Variants in ZNF568 observed in about 807,000 individuals in gnomAD.
The protein encoded by ZNF568 is zinc finger protein 568.
A neutral mutation model predicts 18.1 loss-of-function variants in ZNF568; 11 were observed. The observed-to-expected ratio is 0.61, with a 90% CI of 0.38 to 1.00. The LOEUF (loss-of-function observed/expected upper bound fraction) is 1.00. Among genes scored for constraint, ZNF568 ranks in the 50% least tolerant of loss-of-function variants. The pLI is 0.01. For synonymous variants in ZNF568, 213 were observed against 246.6 expected, an observed-to-expected ratio of 0.86 and a Z score of 1.28; for missense variants, 639 against 768.2, an observed-to-expected ratio of 0.83 and a Z score of 1.99.
exon 8 of ZNF568, chr19:36,979,088 A>C: frequency 3.6e-6 from 1 of 274,856 alleles, no homozygotes; most frequent in South Asian, 3.0e-5. Flanking sequence ...AGTTGAAGTG[A>C]TTCTCCTGCC....
chr19:36,923,230 T>G (rs1009509645), intron 3 of ZNF568, among the ~76,000 whole-genome samples: 2 of 152,206 alleles, frequency 1.3e-5, no homozygotes, highest in African/African-American at 4.8e-5. Context: ...GCTTCATTTC[T>G]CAGTTTTAGA....
intron 7 of ZNF568, chr19:36,976,314 A>G (rs1600847145): frequency 6.6e-6 from 1 of 152,024 alleles, no homozygotes; most frequent in East Asian, 1.9e-4. Context: ...TTATAGTTGG[A>G]CTTTCTTTAC....
At position 36,916,522 on chromosome 19, in the gene ZNF568, G is replaced by A. The variant is rs1244079662; in HGVS notation, c.-325G>A. The A allele has an allele frequency of 3.3e-5, 5 of 152,434 alleles. No individual in the cohort carries two copies. Among genetic ancestry groups the A allele is most frequent in the African/African-American group, 1.2e-4 (5 of 41,436 alleles). 9.4% of individuals were successfully genotyped at this position (152,434 alleles called of 1,614,324 possible). A position where few individuals can be genotyped will look rare whatever the true frequency, so the allele number is the denominator to read the frequency against. On this transcript the variant is annotated 5_prime_UTR_variant, in exon 1 of 7. Coordinates refer to ENST00000333987, the MANE Select transcript of ZNF568 (RefSeq NM_198539.4). The surrounding 1 kb of genome is among the most constrained non-coding windows in gnomAD (Gnocchi z 5.3). ...GCGAGCAAGGGACTCGCGGTTGACG[G>A]GACACGGATCCTCTAAGGCCCAGAG...
chr19:36,968,171 T>A (rs548077), intron 6 of ZNF568, among the ~76,000 whole-genome samples: 88,620 of 151,986 alleles, frequency 0.58, 26,888 homozygotes, highest in African/African-American at 0.74. Context: ...GAAAGTCCAC[T>A]TATAAAATGT....
At chr19:36,974,115 G>A (rs1196789460) in intron 6 of ZNF568, among the ~76,000 whole-genome samples, 1 of 152,124 alleles carries the variant, frequency 6.6e-6, no homozygotes, top group South Asian at 2.1e-4. Flanking sequence ...TGACAGGTGG[G>A]TCCATTTAAG....
At position 36,937,025 on chromosome 19, in the gene ZNF568, G is replaced by A. The variant is rs542152309; in HGVS notation, c.263-122G>A. 52 of 1,348,652 alleles carry A rather than the reference G, an allele frequency of 3.9e-5. No individual in the cohort carries two copies. The South Asian group carries it at 7.0e-4, about 18-fold the overall frequency. The allele number at this position is 1,348,652 out of a possible 1,614,324, so 83.5% of individuals were successfully genotyped here. On this transcript the variant is annotated intron_variant, in intron 5 of 6. Transcript: ENST00000333987. Reference sequence around the variant, plus strand: ...TTCAGTGTTAAAGGCTGATTACTTTGTGTCATTGTGTAAGTTCATTCATCC... The same window carrying A: ...TTCAGTGTTAAAGGCTGATTACTTTATGTCATTGTGTAAGTTCATTCATCC...
intron 6 of ZNF568, among the ~76,000 whole-genome samples, chr19:36,940,203 C>A (rs1461853306): frequency 3.3e-5 from 5 of 152,206 alleles, no homozygotes; most frequent in African/African-American, 1.2e-4. Flanking sequence ...GAAATGACAG[C>A]ATTGGAATAT....
chr19:36,976,254 C>T (rs1644652), intron 7 of ZNF568: 82,993 of 151,622 alleles, frequency 0.55, 23,369 homozygotes, highest in African/African-American at 0.66. Context: ...AGAGTGGGTT[C>T]ATACTACTAA....
At chr19:36,979,968 G>A (rs2074318052), downstream of ZNF568, 1 of 152,090 alleles carries the variant, frequency 6.6e-6, no homozygotes, top group Non-Finnish European at 1.5e-5. Flanking sequence ...GGTACTAAAT[G>A]AGGTTGAGCC....
rs555008189 is a variant in ZNF568, at chr19:36,946,916, G to A, written c.359-2596G>A. On this transcript the variant is annotated intron_variant, in intron 6 of 6. Transcript: ENST00000333987. ...CTACCTTGGCCTCCCAAAGTGCTGG[G>A]ATTACAGGCTTGAGCCACTGCACCC... Among the ~76,000 whole-genome samples, 27 of 152,096 alleles carry A rather than the reference G, an allele frequency of 1.8e-4. 1 individual carries two copies. Among genetic ancestry groups the A allele is most frequent in the Non-Finnish European group, 3.2e-4 (22 of 67,992 alleles).
At chr19:36,922,033 T>C (rs2073465324) in intron 2 of ZNF568, among the ~76,000 whole-genome samples, 1 of 152,226 alleles carries the variant, frequency 6.6e-6, no homozygotes, top group African/African-American at 2.4e-5. Flanking sequence ...ATAAGGAAGA[T>C]TAGTGTTTGA....
chr19:36,937,703 T>C (rs575490306), intron 6 of ZNF568, among the ~76,000 whole-genome samples: 8 of 152,328 alleles, frequency 5.3e-5, no homozygotes, highest in Middle Eastern at 3.4e-3. Context: ...TGGTTAACAA[T>C]AGTTTCACTT....
intron 7 of ZNF568, chr19:36,974,480 G>T: frequency 6.5e-7 from 1 of 1,535,794 alleles, no homozygotes; most frequent in South Asian, 1.2e-5. Flanking sequence ...AGTTGCATTT[G>T]ACATTTTCTT....
intron 3 of ZNF568, among the ~76,000 whole-genome samples, chr19:36,924,897 T>A (rs2073526376): frequency 1.3e-5 from 2 of 151,996 alleles, no homozygotes; most frequent in Admixed American, 1.3e-4. Flanking sequence ...TAACTATTAT[T>A]ATGTACTTAA....
chr19:36,961,885 T>G (rs1218987628), intron 6 of ZNF568, among the ~76,000 whole-genome samples: 5 of 95,604 alleles, frequency 5.2e-5, no homozygotes, highest in African/African-American at 2.7e-4. Flanking sequence ...AGGGTGTTTT[T>G]TTTTTTTTTT....
At chr19:36,990,880 A>G (rs2074417876) in intron 2 of ZNF568, among the ~76,000 whole-genome samples, 2 of 152,194 alleles carry the variant, frequency 1.3e-5, no homozygotes, top group African/African-American at 2.4e-5. Flanking sequence ...TTGCACGTAC[A>G]GTTTCATTTA....
At chr19:36,981,871 C>T (rs1433915429), downstream of ZNF568, among the ~76,000 whole-genome samples, 1 of 150,276 alleles carries the variant, frequency 6.7e-6, no homozygotes, top group East Asian at 1.9e-4. Context: ...AAGACCCAGT[C>T]TCAAAAAAAA....
At chr19:36,934,304 C>CT (rs201377492) in intron 4 of ZNF568, among the ~76,000 whole-genome samples, 75 of 128,896 alleles carry the variant, frequency 5.8e-4, no homozygotes, top group Non-Finnish European at 6.8e-4. Context: ...CTTCTAGTAT[C>CT]TTTTTTTTTT....
intron 6 of ZNF568, among the ~76,000 whole-genome samples, chr19:36,939,984 T>C (rs1039183036): frequency 3.3e-5 from 5 of 152,210 alleles, no homozygotes; most frequent in Non-Finnish European, 7.3e-5. Context: ...TCTTTCTTCT[T>C]TGTGCTTCTC....
Sources: allele counts gnomAD v4.1 joint callset (sites outside exome capture counted in the v4.1 genomes callset), GRCh38; gene constraint gnomAD v4.1.1; non-coding constraint Gnocchi (gnomAD v3.1); transcripts MANE v1.5; gene names NCBI Gene and HGNC (gene_info 2026-07-23, HGNC 2026-07-21).